KHDRBS2: variants seen among roughly 807,000 people sequenced by gnomAD.
KHDRBS2 encodes KH RNA binding domain containing, signal transduction associated 2.
Under a neutral mutation model 44.3 loss-of-function variants are expected in KHDRBS2, and 26 were observed. That is an observed-to-expected ratio of 0.59 (90% CI 0.43 to 0.81). KHDRBS2 has a LOEUF of 0.81. Ranked by LOEUF, KHDRBS2 falls within the 40% of genes least tolerant of loss-of-function variation. The probability of loss-of-function intolerance (pLI) is 0.00; values close to 1 mark genes in which losing one functional copy is unlikely to be tolerated. For missense variants in KHDRBS2, 476 were observed against 433.1 expected (o/e 1.10, Z -0.88); for synonymous variants, 194 against 151.1 (o/e 1.28, Z -2.08).
At chr6:62,075,362 T>G (rs1385435666) in intron 2 of KHDRBS2, among the ~76,000 whole-genome samples, 3 of 151,890 alleles carry the variant, frequency 2.0e-5, no homozygotes, top group Non-Finnish European at 4.4e-5. Flanking sequence ...TGCTGGTGCT[T>G]TGATTATGGA....
chr6:61,597,755 TATAC>T, the KHDRBS2 span, among the ~76,000 whole-genome samples: 1,275 of 54,210 alleles, frequency 0.024, 60 homozygotes, highest in African/African-American at 0.089. Context: ...TATATATATA[TATAC>T]ATATATATAT....
rs546104997 is a variant in KHDRBS2, at chr6:62,001,991, G to A, written c.337-23779C>T. 1.7e-4 allele frequency among the ~76,000 whole-genome samples: 26 copies of A among 152,154 alleles called. No individual in the cohort carries two copies. The South Asian group carries it at 3.9e-3, about 23-fold the overall frequency. ...ATCAAAGGGAAAATTAAATTTTAGC[G>A]TTATGACACTGTACTCACTTTAGCT... On this transcript the variant is annotated intron_variant, in intron 3 of 8. Coordinates refer to ENST00000281156, the MANE Select transcript of KHDRBS2 (RefSeq NM_152688.4).
chr6:62,285,357 T>C (rs1342359327), intron 1 of KHDRBS2, among the ~76,000 whole-genome samples: 3 of 152,174 alleles, frequency 2.0e-5, no homozygotes, highest in Non-Finnish European at 4.4e-5. Flanking sequence ...TATAAGAACA[T>C]GCATAGTTTA....
At chr6:62,246,715 T>C (rs1443144865) in intron 1 of KHDRBS2, among the ~76,000 whole-genome samples, 1 of 152,080 alleles carries the variant, frequency 6.6e-6, no homozygotes, top group African/African-American at 2.4e-5. Flanking sequence ...ATACATATTT[T>C]AGTGATTTCT....
chr6:61,758,540 A>G (rs1271822468), intron 6 of KHDRBS2, among the ~76,000 whole-genome samples: 1 of 152,034 alleles, frequency 6.6e-6, no homozygotes, highest in Non-Finnish European at 1.5e-5. Flanking sequence ...CAAAACTTCA[A>G]GTTGGGATTT....
chr6:62,282,617 T>C (rs1162088452), intron 1 of KHDRBS2, among the ~76,000 whole-genome samples: 4 of 152,238 alleles, frequency 2.6e-5, no homozygotes, highest in South Asian at 2.1e-4. Context: ...CAAACATTAA[T>C]AGTAGTTCAA....
intron 8 of KHDRBS2, among the ~76,000 whole-genome samples, chr6:61,693,176 A>T (rs1767553565): frequency 6.6e-6 from 1 of 152,132 alleles, no homozygotes; most frequent in Admixed American, 6.6e-5. Flanking sequence ...AAAATAATCA[A>T]TTGATATTTG....
rs564928838 is a variant in KHDRBS2 at position 61,757,958 on chromosome 6, C to A, written c.811-25194G>T. Among the ~76,000 whole-genome samples, 3 of 152,288 alleles carry A rather than the reference C, an allele frequency of 2.0e-5. No individual in the cohort carries two copies. In the East Asian group the frequency reaches 5.8e-4, roughly 29 times the overall value. The stretch of plus-strand genomic sequence containing the variant: ...TTTTAGGCAGTCATTTTCCCCCGAA[C>A]TCAGTTATTTATTCCCATACAGGTA... On this transcript the variant is annotated intron_variant, in intron 6 of 8. Coordinates refer to ENST00000281156, the MANE Select transcript of KHDRBS2 (RefSeq NM_152688.4).
chr6:62,249,155 A>T (rs555928936), intron 1 of KHDRBS2, among the ~76,000 whole-genome samples: 1 of 152,112 alleles, frequency 6.6e-6, no homozygotes, highest in Non-Finnish European at 1.5e-5. Context: ...AGTAATTTAT[A>T]GGTCAAATGT....
chr6:62,196,257 C>A (rs2150134686), intron 1 of KHDRBS2, among the ~76,000 whole-genome samples: 1 of 152,190 alleles, frequency 6.6e-6, no homozygotes, highest in South Asian at 2.1e-4. Context: ...GCCAAGTTAA[C>A]AAACTGTCAA....
chr6:62,209,040 G>A (rs1173893967), intron 1 of KHDRBS2, among the ~76,000 whole-genome samples: 1 of 152,034 alleles, frequency 6.6e-6, no homozygotes, highest in Non-Finnish European at 1.5e-5. Flanking sequence ...CACAACAAAG[G>A]AAACAATCAA....
chr6:61,848,932 G>T (rs144601939), intron 6 of KHDRBS2, among the ~76,000 whole-genome samples: 1 of 151,644 alleles, frequency 6.6e-6, no homozygotes, highest in Non-Finnish European at 1.5e-5. Flanking sequence ...TAAGCATTTC[G>T]TTGCCGGAAA....
chr6:62,247,969 G>T (rs1294271734), intron 1 of KHDRBS2, among the ~76,000 whole-genome samples: 1 of 152,002 alleles, frequency 6.6e-6, no homozygotes, highest in Admixed American at 6.6e-5. Context: ...TCCTTAAATG[G>T]AATAGTAGTC....
the KHDRBS2 span, among the ~76,000 whole-genome samples, chr6:61,588,791 C>CA: frequency 5.9e-4 from 87 of 147,960 alleles, 2 homozygotes; most frequent in East Asian, 0.014. Flanking sequence ...GACCCTGTCT[C>CA]AAAAAAAAAG....
chr6:61,829,073 T>A (rs1192020), intron 6 of KHDRBS2, among the ~76,000 whole-genome samples: 23,778 of 152,258 alleles, frequency 0.16, 2,465 homozygotes, highest in South Asian at 0.27. Flanking sequence ...AATTTTCTAA[T>A]ATCTATTAAT....
chr6:61,782,750 T>C (rs151253545), intron 6 of KHDRBS2, among the ~76,000 whole-genome samples: 3,150 of 138,652 alleles, frequency 0.023, 156 homozygotes, highest in African/African-American at 0.079. Context: ...CACACACACA[T>C]ATACATATAC....
At chr6:61,976,071 A>C (rs1772583020) in intron 4 of KHDRBS2, among the ~76,000 whole-genome samples, 1 of 152,212 alleles carries the variant, frequency 6.6e-6, no homozygotes, top group Non-Finnish European at 1.5e-5. Flanking sequence ...TGGCCAGGTC[A>C]CACCAGCCAT....
chr6:61,851,268 T>C (rs1176916418), intron 6 of KHDRBS2, among the ~76,000 whole-genome samples: 4 of 151,992 alleles, frequency 2.6e-5, no homozygotes, highest in Non-Finnish European at 5.9e-5. Flanking sequence ...GGTGTATATA[T>C]ATATGTGTGT....
At chr6:62,220,513 C>A (rs1320814682) in intron 1 of KHDRBS2, among the ~76,000 whole-genome samples, 1 of 151,634 alleles carries the variant, frequency 6.6e-6, no homozygotes, top group African/African-American at 2.4e-5. Flanking sequence ...TTAAAATATA[C>A]AGTAAAATTG....
Sources: allele counts gnomAD v4.1 joint callset (sites outside exome capture counted in the v4.1 genomes callset), GRCh38; gene constraint gnomAD v4.1.1; transcripts MANE v1.5; gene names NCBI Gene and HGNC (gene_info 2026-07-23, HGNC 2026-07-21).